The following MRPL17 variants were observed in gnomAD, a reference collection of about 807,000 sequenced individuals.
The protein encoded by MRPL17 is mitochondrial ribosomal protein L17.
MRPL17 carries 8 observed loss-of-function variants against 12.0 expected under a neutral mutation model. The ratio of observed to expected loss-of-function variants is 0.67; its 90% CI spans 0.39 to 1.21. MRPL17 has a LOEUF of 1.21. Among genes scored for constraint, MRPL17 ranks in the 50% most tolerant of loss-of-function variants. MRPL17 has a pLI of 0.01. For synonymous variants in MRPL17, 107 were observed against 92.9 expected (o/e 1.15, Z -0.87); for missense variants, 263 against 234.4 (o/e 1.12, Z -0.80).
rs530299674 is a variant in MRPL17, at chr11:6,680,604, T to G, written c.*1514A>C. Among the ~76,000 whole-genome samples, 1 of 152,176 alleles carries G rather than the reference T, an allele frequency of 6.6e-6. No individual in the cohort carries two copies. The highest frequency in any genetic ancestry group is 2.1e-4 in the South Asian group (1 of 4,834). On this transcript the variant is annotated 3_prime_UTR_variant, in exon 3 of 3. Transcript: ENST00000288937. ...CTGTTGGAAGTCCCAAAGGGAGATA[T>G]ATTTCTGGGGTCTAAGAGGAAAAGC...
At chr11:6,682,709 A>G (rs1252021648) in intron 2 of MRPL17, 38 bp downstream of exon 2, 2 of 1,598,242 alleles carry the variant, frequency 1.3e-6, no homozygotes, top group African/African-American at 2.7e-5. Flanking sequence ...CCCAGGGAGC[A>G]AAGGGTGGGA....
chr11:6,683,178 T>C lies in MRPL17; in HGVS notation c.119A>G (p.Glu40Gly), dbSNP rs1299496944. The change falls in exon 1 of 3, where the codon GAA becomes GGA. Residue 40 changes from glutamate (E) to glycine (G), a missense_variant. Coordinates refer to ENST00000288937, the MANE Select transcript of MRPL17 (RefSeq NM_022061.4). ...RNLLTGLVRH[E>G]RIEAPWARVD... Reference sequence around the variant, plus strand: ...ACGCGCCCATGGTGCCTCGATGCGTTCGTGCCGCACCAGCCCTGTGAGCAA... The same window carrying C: ...ACGCGCCCATGGTGCCTCGATGCGTCCGTGCCGCACCAGCCCTGTGAGCAA... The C allele has an allele frequency of 6.2e-7, 1 of 1,614,182 alleles. No homozygotes were observed. Among genetic ancestry groups the C allele is most frequent in the Admixed American group, 1.7e-5 (1 of 60,036 alleles).
chr11:6,683,000 G>A, intron 1 of MRPL17, 123 bp downstream of exon 1: 1 of 1,417,834 alleles, frequency 7.1e-7, no homozygotes, highest in Non-Finnish European at 9.6e-7. Flanking sequence ...TCAGCCCAAG[G>A]TTCTGGGGGA....
At chr11:6,683,021 G>A in intron 1 of MRPL17, 102 bp downstream of exon 1, 2 of 1,475,640 alleles carry the variant, frequency 1.4e-6, no homozygotes, top group South Asian at 1.3e-5. Context: ...CTCAGACTTG[G>A]GGAATGGTTT....
rs1846570828 is a variant in MRPL17 at position 6,682,080 on chromosome 11, TG to T, written c.*37del. 6.3e-7 allele frequency: 1 copy of T among 1,575,074 alleles called. No homozygotes were observed. The highest frequency in any genetic ancestry group is 1.4e-5 in the African/African-American group (1 of 73,742). On this transcript the variant is annotated 3_prime_UTR_variant, in exon 3 of 3. Coordinates refer to ENST00000288937, the MANE Select transcript of MRPL17 (RefSeq NM_022061.4). ...AAAGTGCTCCAAAGGCCTGTGATCA[TG>T]GGTACTGATTAAGGGCTGCAGACTC...
rs150576424 is a variant in MRPL17, at chr11:6,683,123, C to T, written c.174G>A (p.Lys58=). 6.8e-6 allele frequency: 11 copies of T among 1,613,170 alleles called. No homozygotes were observed. Among genetic ancestry groups the T allele is most frequent in the African/African-American group, 4.0e-5 (3 of 74,930 alleles). The change falls in exon 1 of 3, where the codon AAG becomes AAA. Residue 58 remains lysine, a splice_region_variant and synonymous_variant. Coordinates refer to ENST00000288937, the MANE Select transcript of MRPL17 (RefSeq NM_022061.4). ...RVDEMRGYAE[K]LIDYGKLGDT... is the part of the protein sequence containing the mutation. ...TGGACAAGAGGGCCGCGCTCCTCAC[C>T]TTCTCCGCGTAGCCCCTCATTTCGT...
intron 2 of MRPL17, 140 bp from the exon 3 acceptor site, chr11:6,682,542 TTACACA>T: frequency 9.1e-7 from 1 of 1,099,208 alleles, no homozygotes; most frequent in Non-Finnish European, 1.3e-6. Context: ...ATAGTCAGTG[TTACACA>T]AAGGGGTCGT....
rs1277379816 is a variant in MRPL17 at position 6,682,143 on chromosome 11, T to A, written c.503A>T (p.His168Leu). 6.2e-7 allele frequency: 1 copy of A among 1,613,622 alleles called. No homozygotes were observed. ...QSQEASNHSS[H>L]TAQTPGI Reference sequence around the variant, plus strand: ...TTAAATCCCTGGTGTTTGAGCTGTGTGGGAGCTGTGGTTGCTTGCTTCCTG... The same window carrying A: ...TTAAATCCCTGGTGTTTGAGCTGTGAGGGAGCTGTGGTTGCTTGCTTCCTG... The change falls in exon 3 of 3, where the codon CAC becomes CTC. Residue 168 changes from histidine to leucine, a missense_variant. Coordinates refer to ENST00000288937, the MANE Select transcript of MRPL17 (RefSeq NM_022061.4).
Position 6,682,772 on chromosome 11 carries a change from ATG to A in MRPL17, c.216_217del (p.Met73AlafsTer4), listed in dbSNP as rs1313595145. 1.2e-6 allele frequency: 2 copies of A among 1,614,070 alleles called. No homozygotes were observed. The stretch of plus-strand genomic sequence containing the variant: ...TGTGAGCCAGAAGTCAGCCATGCGC[ATG>A]GCTCGTTCGTTAGTGTCTCCCAGCT... On this transcript the variant is annotated frameshift_variant, in exon 2 of 3. Transcript: ENST00000288937. LOFTEE classifies it high-confidence loss of function.
At chr11:6,682,960 T>A (rs959222114) in intron 1 of MRPL17, 145 bp from the exon 2 acceptor site, 2 of 1,270,034 alleles carry the variant, frequency 1.6e-6, no homozygotes, top group Non-Finnish European at 2.2e-6. Flanking sequence ...CCCTAACCAG[T>A]CTTCCATTAG....
In MRPL17 at chr11:6,680,471, C is replaced by T. The variant is rs1846553014; in HGVS notation, c.*1647G>A. On this transcript the variant is annotated 3_prime_UTR_variant, in exon 3 of 3. Transcript: ENST00000288937. The stretch of plus-strand genomic sequence containing the variant: ...TGTTATTGTGAGCTCATTGATGGTA[C>T]AGGTTGTTTCTTATCTCTAGTCTCT... Among the ~76,000 whole-genome samples the T allele has an allele frequency of 6.6e-6, 1 of 152,186 alleles. No individual in the cohort carries two copies. Among genetic ancestry groups the T allele is most frequent in the African/African-American group, 2.4e-5 (1 of 41,446 alleles).
At chr11:6,682,645 T>C in intron 2 of MRPL17, 102 bp downstream of exon 2, 1 of 1,214,738 alleles carries the variant, frequency 8.2e-7, no homozygotes, top group South Asian at 1.2e-5. Flanking sequence ...CACTGGCCCA[T>C]AAGTGAGTAC....
rs377743005 is a variant in MRPL17, at chr11:6,682,088, G to C, written c.*30C>G. 6 of 1,588,380 alleles carry C rather than the reference G, an allele frequency of 3.8e-6. No individual in the cohort carries two copies. The highest frequency in any genetic ancestry group is 5.2e-6 in the Non-Finnish European group (6 of 1,164,366). Reference sequence around the variant, plus strand: ...CCAAAGGCCTGTGATCATGGGTACTGATTAAGGGCTGCAGACTCTTCAGAT... The same window carrying C: ...CCAAAGGCCTGTGATCATGGGTACTCATTAAGGGCTGCAGACTCTTCAGAT... On this transcript the variant is annotated 3_prime_UTR_variant, in exon 3 of 3. Coordinates refer to ENST00000288937, the MANE Select transcript of MRPL17 (RefSeq NM_022061.4).
Position 6,682,233 on chromosome 11 carries a change from C to T in MRPL17, c.413G>A (p.Arg138Lys). Residue 138 changes from arginine to lysine, a missense_variant, in exon 3 of 3, where the codon AGA (arginine) becomes AAA (lysine). Coordinates refer to ENST00000288937, the MANE Select transcript of MRPL17 (RefSeq NM_022061.4). ...GTTTAGGAGTGTAAGGTGGCTGTCT[C>T]TGCGAGGCAGAGGCAGGGGTGGGAG... ...NCLPPLPLPR[R>K]DSHLTLLNQL... is the part of the protein sequence containing the mutation. The T allele has an allele frequency of 6.2e-7, 1 of 1,614,184 alleles. No individual in the cohort carries two copies. The highest frequency in any genetic ancestry group is 8.5e-7 in the Non-Finnish European group (1 of 1,180,028).
intron 2 of MRPL17, 81 bp from the exon 3 acceptor site, chr11:6,682,483 A>G: frequency 6.7e-7 from 1 of 1,486,882 alleles, no homozygotes; most frequent in South Asian, 1.3e-5. Flanking sequence ...CCCAAAGGTA[A>G]GGTCCATCCA....
At position 6,682,271 on chromosome 11, in the gene MRPL17, A is replaced by T; in HGVS notation, c.375T>A (p.Tyr125Ter). The T allele has an allele frequency of 6.2e-7, 1 of 1,614,126 alleles. No homozygotes were observed. Among genetic ancestry groups the T allele is most frequent in the African/African-American group, 1.3e-5 (1 of 75,012 alleles). ...LDRAKMAVIE[Y>*]KGNCLPPLPL... ...GCAGGGGTGGGAGGCAATTCCCTTT[A>T]TACTCGATCACTGCCATCTTGGCCC... The change falls in exon 3 of 3, where the codon TAT becomes TAA. Residue 125 changes from tyrosine to a stop codon, truncating the protein, a stop_gained. Coordinates refer to ENST00000288937, the MANE Select transcript of MRPL17 (RefSeq NM_022061.4). LOFTEE classifies it high-confidence loss of function.
At chr11:6,682,700 C>G (rs762809134) in intron 2 of MRPL17, 47 bp downstream of exon 2, 5 of 1,576,424 alleles carry the variant, frequency 3.2e-6, no homozygotes, top group Non-Finnish European at 4.4e-6. Flanking sequence ...ACCCCCACCC[C>G]CAGGGAGCAA....
chr11:6,683,284 C>T lies in MRPL17; in HGVS notation c.13G>A (p.Val5Ile). 3 of 1,610,944 alleles carry T rather than the reference C, an allele frequency of 1.9e-6. No homozygotes were observed. Among genetic ancestry groups the T allele is most frequent in the Non-Finnish European group, 2.5e-6 (3 of 1,177,684 alleles). MRLS[V>I]AAAISHGRVF... ...CGGCCATGGGAGATCGCTGCAGCGA[C>T]CGACAGCCGCATGTTTCCAACTTCT... The change falls in exon 1 of 3, where the codon GTC becomes ATC. Residue 5 changes from valine (V) to isoleucine (I), a missense_variant. Transcript: ENST00000288937.
In MRPL17 at chr11:6,681,522, G is replaced by C. The variant is rs1321494909; in HGVS notation, c.*596C>G. ...TCCTCTCCTCCCAGGCCCATTCAGG[G>C]GGTTGAAGGGAACACATTAAGGTAA... On this transcript the variant is annotated 3_prime_UTR_variant, in exon 3 of 3. Coordinates refer to ENST00000288937, the MANE Select transcript of MRPL17 (RefSeq NM_022061.4). 6.6e-6 allele frequency: 1 copy of C among 152,166 alleles called. No individual in the cohort carries two copies. The highest frequency in any genetic ancestry group is 1.9e-4 in the East Asian group (1 of 5,190). 9.4% of individuals were successfully genotyped at this position (152,166 alleles called of 1,614,324 possible).
Sources: allele counts gnomAD v4.1 joint callset (sites outside exome capture counted in the v4.1 genomes callset), GRCh38; gene constraint gnomAD v4.1.1; transcripts MANE v1.5; gene names NCBI Gene and HGNC (gene_info 2026-07-23, HGNC 2026-07-21).